IL12RB2: variants seen among roughly 807,000 people sequenced by gnomAD.
The protein encoded by IL12RB2 is interleukin-12 receptor subunit beta-2.
A neutral mutation model predicts 89.4 loss-of-function variants in IL12RB2; 82 were observed. That is an observed-to-expected ratio of 0.92 (90% confidence interval 0.77 to 1.10). IL12RB2 has a LOEUF of 1.10. Ranked by LOEUF, IL12RB2 falls within the 50% of genes least tolerant of loss-of-function variation. The pLI, the probability that IL12RB2 is intolerant of heterozygous loss-of-function variation, is 0.00. For synonymous variants in IL12RB2, 368 were observed against 370.1 expected (o/e 0.99, Z 0.07); for missense variants, 963 against 1,031.9 (o/e 0.93, Z 0.92).
chr1:67,376,228 A>G (rs1483728938), intron 13 of IL12RB2, among the ~76,000 whole-genome samples: 1 of 152,188 alleles, frequency 6.6e-6, no homozygotes, highest in African/African-American at 2.4e-5. Flanking sequence ...AAGCATCTTA[A>G]GGGAAGAAGC....
At chr1:67,329,497 T>C in intron 6 of IL12RB2, 90 bp from the exon 7 acceptor site, 7 of 832,738 alleles carry the variant, frequency 8.4e-6, no homozygotes, top group Non-Finnish European at 1.5e-5. Flanking sequence ...AACTGAGTTT[T>C]GTCAAACTCT....
chr1:67,387,270 T>C (rs902367465), intron 15 of IL12RB2, among the ~76,000 whole-genome samples: 1 of 152,022 alleles, frequency 6.6e-6, no homozygotes, highest in Non-Finnish European at 1.5e-5. Flanking sequence ...GTGGAAAATA[T>C]GTTCACTGTA....
At chr1:67,382,358 C>CT (rs1378483611) in intron 14 of IL12RB2, among the ~76,000 whole-genome samples, 1 of 152,230 alleles carries the variant, frequency 6.6e-6, no homozygotes, top group Non-Finnish European at 1.5e-5. Flanking sequence ...CCTGCTCACT[C>CT]TCCCTCCCAG....
Position 67,396,605 on chromosome 1 carries a change from A to G in IL12RB2, c.*516A>G. 1 of 174,484 alleles carries G rather than the reference A, an allele frequency of 5.7e-6. No homozygotes were observed. The highest frequency in any genetic ancestry group is 1.2e-5 in the Non-Finnish European group (1 of 80,750). The allele number at this position is 174,484 out of a possible 1,614,324, so 10.8% of individuals were successfully genotyped here. ...GCACATTGGCTGTTAATCACTTGGA[A>G]TGTGTTTAGCTTGACTGAGGAATTA... On this transcript the variant is annotated 3_prime_UTR_variant, in exon 17 of 17. Transcript: ENST00000674203.
At position 67,395,741 on chromosome 1, in the gene IL12RB2, C is replaced by T. The variant is rs1557487232; in HGVS notation, c.2241C>T (p.Ala747=). Residue 747 remains alanine (A), a synonymous_variant, in exon 17 of 17, where the codon GCC becomes GCT. Transcript: ENST00000674203. The part of the protein sequence containing the change: ...QASEKDMMHS[A]SSPPPPRALQ... ...CTGAGAAAGACATGATGCACAGTGC[C>T]TCAAGCCCACCACCTCCAAGAGCTC... The T allele has an allele frequency of 6.2e-7, 1 of 1,613,976 alleles. No individual in the cohort carries two copies.
intron 15 of IL12RB2, among the ~76,000 whole-genome samples, chr1:67,388,530 G>C (rs1408570498): frequency 6.6e-6 from 1 of 152,114 alleles, no homozygotes; most frequent in African/African-American, 2.4e-5. Context: ...ATTTTTGGTA[G>C]AGATGGGGTT....
intron 9 of IL12RB2, among the ~76,000 whole-genome samples, chr1:67,349,297 C>T (rs1171271549): frequency 6.6e-6 from 1 of 152,124 alleles, no homozygotes; most frequent in Non-Finnish European, 1.5e-5. Context: ...TTGGGAAGTA[C>T]CTTAGGGTTG....
At chr1:67,380,264 C>T (rs982015106) in intron 14 of IL12RB2, 141 bp downstream of exon 14, 3 of 822,604 alleles carry the variant, frequency 3.6e-6, no homozygotes, top group Admixed American at 2.0e-5. Context: ...CTTGCTGTTT[C>T]TCCTAAATAG....
intron 9 of IL12RB2, among the ~76,000 whole-genome samples, chr1:67,343,712 C>T (rs952503605): frequency 6.6e-6 from 1 of 152,158 alleles, no homozygotes; most frequent in Non-Finnish European, 1.5e-5. Flanking sequence ...AAGAAAACCA[C>T]CTTTCATATA....
chr1:67,385,325 T>A (rs1226376404), intron 14 of IL12RB2, among the ~76,000 whole-genome samples: 2 of 152,178 alleles, frequency 1.3e-5, no homozygotes, highest in Non-Finnish European at 2.9e-5. Flanking sequence ...TAAAGCCCCT[T>A]ATGAAACCAT....
intron 5 of IL12RB2, among the ~76,000 whole-genome samples, chr1:67,327,278 A>G (rs1657463186): frequency 6.6e-6 from 1 of 152,126 alleles, no homozygotes; most frequent in African/African-American, 2.4e-5. Context: ...TATTTTTACC[A>G]GAAAGGAGAA....
chr1:67,391,078 C>T (rs1665761586), intron 16 of IL12RB2, among the ~76,000 whole-genome samples: 1 of 152,080 alleles, frequency 6.6e-6, no homozygotes, highest in Non-Finnish European at 1.5e-5. Flanking sequence ...TGAAATCAAG[C>T]CCAGAGGCCA....
At position 67,398,684 on chromosome 1, in the gene IL12RB2, T is replaced by C. The variant is rs1666484774; in HGVS notation, c.*2595T>C. On this transcript the variant is annotated 3_prime_UTR_variant, in exon 17 of 17. Coordinates refer to ENST00000674203, the MANE Select transcript of IL12RB2 (RefSeq NM_001374259.2). The stretch of plus-strand genomic sequence containing the variant: ...CAGCACCAGCATCATGCCTGGTCCA[T>C]AGTAGCTACCAATAAAAAAGTAAGC... Among the ~76,000 whole-genome samples the C allele has an allele frequency of 6.6e-6, 1 of 152,076 alleles. No homozygotes were observed.
At chr1:67,373,196 C>G (rs1434386802) in intron 13 of IL12RB2, among the ~76,000 whole-genome samples, 1 of 152,190 alleles carries the variant, frequency 6.6e-6, no homozygotes, top group Non-Finnish European at 1.5e-5. Context: ...CAGCCTTGAC[C>G]TCCCTGGGCT....
intron 9 of IL12RB2, among the ~76,000 whole-genome samples, chr1:67,345,297 C>G (rs7518845): frequency 8.3e-4 from 126 of 152,218 alleles, no homozygotes; most frequent in Middle Eastern, 6.8e-3. Flanking sequence ...ATGGAAAGAA[C>G]GAGAAGATAG....
At chr1:67,311,339 AG>A (rs2100504781) in intron 1 of IL12RB2, among the ~76,000 whole-genome samples, 1 of 152,290 alleles carries the variant, frequency 6.6e-6, no homozygotes, top group African/African-American at 2.4e-5. Context: ...CCGATAGAAG[AG>A]GGAAAGCAGT....
At position 67,395,780 on chromosome 1, in the gene IL12RB2, C is replaced by T. The variant is rs1666309264; in HGVS notation, c.2280C>T (p.Ser760=). The T allele has an allele frequency of 1.9e-6, 3 of 1,614,026 alleles. No homozygotes were observed. Among genetic ancestry groups the T allele is most frequent in the South Asian group, 1.1e-5 (1 of 91,078 alleles). ...CTCCAAGAGCTCTCCAAGCTGAGAG[C>T]AGACAACTGGTGGATCTGTACAAGG... ...PPPPRALQAE[S]RQLVDLYKVL... The change falls in exon 17 of 17, where the codon AGC becomes AGT. Residue 760 remains serine (S), a synonymous_variant. Transcript: ENST00000674203.
At chr1:67,348,309 TGACTGAGGATTTCAACTA>T (rs1660456236) in intron 9 of IL12RB2, among the ~76,000 whole-genome samples, 1 of 152,064 alleles carries the variant, frequency 6.6e-6, no homozygotes, top group African/African-American at 2.4e-5. Context: ...GCTAGAAGGG[TGACTGAGGATTTCAACTA>T]TGAAACACGG....
intron 14 of IL12RB2, among the ~76,000 whole-genome samples, chr1:67,386,146 T>C (rs919338031): frequency 7.1e-6 from 1 of 140,858 alleles, no homozygotes; most frequent in Non-Finnish European, 1.5e-5. Flanking sequence ...GAGGCGGAGA[T>C]TGCAGTGAGC....
Sources: allele counts gnomAD v4.1 joint callset (sites outside exome capture counted in the v4.1 genomes callset), GRCh38; gene constraint gnomAD v4.1.1; transcripts MANE v1.5; gene names NCBI Gene and HGNC (gene_info 2026-07-23, HGNC 2026-07-21).